The following TRIM27 variants were observed in gnomAD, a reference collection of about 807,000 sequenced individuals.
The protein encoded by TRIM27 is zinc finger protein RFP.
In TRIM27, 12 loss-of-function variants were observed where a neutral mutation model predicts 57.6. That is an observed-to-expected ratio of 0.21 (90% confidence interval 0.13 to 0.34). The LOEUF is 0.34. Ranked by LOEUF, TRIM27 falls within the 10% of genes least tolerant of loss-of-function variation. TRIM27 has a pLI of 1.00. For missense variants in TRIM27, 403 were observed against 656.8 expected, an observed-to-expected ratio of 0.61 and a Z score of 4.22; for synonymous variants, 266 against 259.0, an observed-to-expected ratio of 1.03 and a Z score of -0.26.
rs1391034015 is a variant in TRIM27 at position 28,904,404 on chromosome 6, T to TG, written c.1207dup (p.Gln403ProfsTer41). 1 of 1,613,060 alleles carries TG rather than the reference T, an allele frequency of 6.2e-7. No homozygotes were observed. Among genetic ancestry groups the TG allele is most frequent in the Non-Finnish European group, 8.5e-7 (1 of 1,180,008 alleles). On this transcript the variant is annotated frameshift_variant, in exon 8 of 8. Coordinates refer to ENST00000377199, the MANE Select transcript of TRIM27 (RefSeq NM_006510.5). LOFTEE classifies it high-confidence loss of function. The surrounding 1 kb of genome is among the most constrained non-coding windows in gnomAD (Gnocchi z 6.1). ...CAAAGACACTGCCCAGAATCCATTC[T>TG]GGGGGGCTGAGGTTACTCCACCTTT... is the stretch of plus-strand genomic sequence containing the variant.
At position 28,918,007 on chromosome 6, in the gene TRIM27, A is replaced by G. The variant is rs376752708; in HGVS notation, c.747+2005T>C. On this transcript the variant is annotated intron_variant, in intron 3 of 7. Coordinates refer to ENST00000377199, the MANE Select transcript of TRIM27 (RefSeq NM_006510.5). Reference sequence around the variant, plus strand: ...ACACCCGGCTAATTTTGTATTTTTAATAGAGATGGGGTTTCTCCATGTTGG... The same window carrying G: ...ACACCCGGCTAATTTTGTATTTTTAGTAGAGATGGGGTTTCTCCATGTTGG... Among the ~76,000 whole-genome samples, 926 of 151,836 alleles carry G rather than the reference A, an allele frequency of 6.1e-3. 7 individuals are homozygous for G. The highest frequency in any genetic ancestry group is 0.01 in the Middle Eastern group (3 of 292).
At chr6:28,914,444 A>G (rs113243792) in intron 3 of TRIM27, among the ~76,000 whole-genome samples, 3,098 of 151,802 alleles carry the variant, frequency 0.02, 53 homozygotes, top group South Asian at 0.057. Flanking sequence ...CTATCCCATA[A>G]AAATAAGCAC....
chr6:28,916,159 C>T (rs1773585883), intron 3 of TRIM27, among the ~76,000 whole-genome samples: 1 of 152,032 alleles, frequency 6.6e-6, no homozygotes, highest in Non-Finnish European at 1.5e-5. Context: ...TCGTGATCTG[C>T]CCACCTTGGC....
At chr6:28,913,804 CT>C (rs1269267242) in intron 3 of TRIM27, among the ~76,000 whole-genome samples, 1 of 151,884 alleles carries the variant, frequency 6.6e-6, no homozygotes, top group Non-Finnish European at 1.5e-5. Flanking sequence ...TCTCGCAATA[CT>C]TAAAAGGTCT....
chr6:28,906,510 C>CT (rs1772780976), intron 7 of TRIM27: 1 of 152,152 alleles, frequency 6.6e-6, no homozygotes, highest in South Asian at 2.1e-4. Flanking sequence ...GACTTATGCT[C>CT]TTCTGTTCCT....
chr6:28,915,120 G>A (rs1021473783), intron 3 of TRIM27: 4 of 151,870 alleles, frequency 2.6e-5, no homozygotes, highest in African/African-American at 7.3e-5. Context: ...AATGCCTCCA[G>A]TATTGCCCCA....
rs1772595243 is a variant in TRIM27 at position 28,904,176 on chromosome 6, G to T, written c.1436C>A (p.Ser479Ter). ...CAGAGGAGCTGCACTTTTCCCTCCC[G>T]AGTAACTCAGACTGAAGTAGGGCCG... ...PVRPYFSLSY[S>*]GGKSAAPLII... The change falls in exon 8 of 8, where the codon TCG (serine) becomes TAG (stop). Residue 479 changes from serine to a stop codon, truncating the protein, a stop_gained. Transcript: ENST00000377199. LOFTEE classifies it high-confidence loss of function. The surrounding 1 kb of genome is among the most constrained non-coding windows in gnomAD (Gnocchi z 6.1). 1 of 1,613,008 alleles carries T rather than the reference G, an allele frequency of 6.2e-7. No homozygotes were observed. The highest frequency in any genetic ancestry group is 8.5e-7 in the Non-Finnish European group (1 of 1,180,024).
intron 4 of TRIM27, chr6:28,911,356 T>C (rs965567747): frequency 4.1e-6 from 1 of 244,012 alleles, no homozygotes; most frequent in African/African-American, 2.3e-5. Flanking sequence ...AAAAATGAGA[T>C]AATGAAGGGG....
At chr6:28,923,153 T>G (rs1774180961) in intron 1 of TRIM27, 60 bp downstream of exon 1, 5 of 1,466,430 alleles carry the variant, frequency 3.4e-6, no homozygotes, top group Middle Eastern at 1.8e-4. Context: ...GGAAGCCCCT[T>G]TGGCTCTCTC....
intron 3 of TRIM27, among the ~76,000 whole-genome samples, chr6:28,919,453 C>T (rs1014349506): frequency 2.0e-5 from 3 of 152,308 alleles, no homozygotes; most frequent in South Asian, 2.1e-4. Context: ...ATAATTAATA[C>T]GCACTGAATG....
chr6:28,918,445 G>A (rs1283591998), intron 3 of TRIM27, among the ~76,000 whole-genome samples: 2 of 152,048 alleles, frequency 1.3e-5, no homozygotes, highest in Non-Finnish European at 2.9e-5. Flanking sequence ...TCATGTTATT[G>A]AATCAAATGG....
Position 28,923,294 on chromosome 6 carries a change from G to A in TRIM27, c.339C>T (p.Pro113=), listed in dbSNP as rs758363672. ...GGGAGCGGTCGCACACCACGCAGAT[G>A]GGCATCTGGTCCTCCTCGCAGTACA... The part of the protein sequence containing the change: ...LKLYCEEDQM[P]ICVVCDRSRE... Residue 113 remains proline (P), a synonymous_variant, in exon 1 of 8, where the codon CCC becomes CCT. Coordinates refer to ENST00000377199, the MANE Select transcript of TRIM27 (RefSeq NM_006510.5). The A allele has an allele frequency of 1.2e-6, 2 of 1,612,072 alleles. No homozygotes were observed. Among genetic ancestry groups the A allele is most frequent in the South Asian group, 1.1e-5 (1 of 91,048 alleles).
chr6:28,911,807 G>T, intron 3 of TRIM27, 89 bp from the exon 4 acceptor site: 1 of 1,280,600 alleles, frequency 7.8e-7, no homozygotes, highest in Non-Finnish European at 1.1e-6. Flanking sequence ...ACCAACTACA[G>T]ACTGGCTCTC....
In TRIM27 at chr6:28,923,437, G is replaced by A. The variant is rs1249758562; in HGVS notation, c.196C>T (p.Arg66Trp). ...CRETFPQRHM[R>W]PNRHLANVTQ... Reference sequence around the variant, plus strand: ...ACGTTGGCCAGGTGCCGGTTGGGCCGCATGTGCCTCTGCGGGAAGGTCTCC... The same window carrying A: ...ACGTTGGCCAGGTGCCGGTTGGGCCACATGTGCCTCTGCGGGAAGGTCTCC... The change falls in exon 1 of 8, where the codon CGG (arginine) becomes TGG (tryptophan). Residue 66 changes from arginine (R) to tryptophan (W), a missense_variant. Transcript: ENST00000377199. 6.2e-7 allele frequency: 1 copy of A among 1,611,912 alleles called. No individual in the cohort carries two copies. Among genetic ancestry groups the A allele is most frequent in the Admixed American group, 1.7e-5 (1 of 59,934 alleles).
In TRIM27 at chr6:28,904,669, T is replaced by C. The variant is rs209126; in HGVS notation, c.947-4A>G. ...TCTGGGTCCAGAGTCACGTCCACTGTAGAGACACAAGGAAGACAGTCAGCC... is the reference window on the plus strand; with the variant it reads ...TCTGGGTCCAGAGTCACGTCCACTGCAGAGACACAAGGAAGACAGTCAGCC... On this transcript the variant is annotated splice_polypyrimidine_tract_variant and splice_region_variant and intron_variant, in intron 7 of 7. Coordinates refer to ENST00000377199, the MANE Select transcript of TRIM27 (RefSeq NM_006510.5). This position sits in a 1 kb window ranked among gnomAD's most constrained non-coding sequence, Gnocchi z 6.1. 855,261 of 1,591,080 alleles carry C rather than the reference T, an allele frequency of 0.54. 236,313 individuals are homozygous for C. Among genetic ancestry groups the C allele is most frequent in the African/African-American group, 0.87 (65,072 of 74,826 alleles).
chr6:28,913,269 A>AAAAAATATATATATAT (rs1554184215), intron 3 of TRIM27, among the ~76,000 whole-genome samples: 1 of 135,564 alleles, frequency 7.4e-6, no homozygotes, highest in Non-Finnish European at 1.5e-5. Flanking sequence ...AAAAAAAAAA[A>AAAAAATATATATATAT]ATATATATAT....
chr6:28,913,255 CAAAAA>C (rs66466461), intron 3 of TRIM27, among the ~76,000 whole-genome samples: 2 of 105,428 alleles, frequency 1.9e-5, no homozygotes, highest in African/African-American at 6.2e-5. Context: ...AACTCCATCT[CAAAAA>C]AAAAAAAAAA....
intron 4 of TRIM27, 79 bp from the exon 5 acceptor site, chr6:28,909,167 G>A: frequency 9.9e-7 from 1 of 1,012,562 alleles, no homozygotes; most frequent in Non-Finnish European, 1.5e-6. Context: ...GAGTGCAATG[G>A]CGCCATCTCG....
At chr6:28,919,101 C>T (rs1304772132) in intron 3 of TRIM27, among the ~76,000 whole-genome samples, 1 of 152,004 alleles carries the variant, frequency 6.6e-6, no homozygotes, top group African/African-American at 2.4e-5. Context: ...GCAACCACTT[C>T]CTCCTGGTTT....
Sources: gnomAD v4.1 joint callset for allele counts (sites outside exome capture counted in the v4.1 genomes callset) on GRCh38, gnomAD v4.1.1 for gene constraint, Gnocchi (gnomAD v3.1) non-coding constraint, MANE v1.5 for transcripts, NCBI Gene and HGNC (gene_info 2026-07-23, HGNC 2026-07-21) for gene names.